Variants in RNMT observed in about 807,000 individuals in gnomAD.
RNMT encodes mRNA cap guanine-N(7) methyltransferase.
A neutral mutation model predicts 56.0 loss-of-function variants in RNMT; 27 were observed. That is an observed-to-expected ratio of 0.48 (90% CI 0.36 to 0.67). The LOEUF is 0.67. Among genes scored for constraint, RNMT ranks in the 30% least tolerant of loss-of-function variants. The pLI is 0.00. For missense variants in RNMT, 519 were observed against 552.1 expected (o/e 0.94, Z 0.60); for synonymous variants, 184 against 176.2 (o/e 1.04, Z -0.35).
intron 4 of RNMT, among the ~76,000 whole-genome samples, chr18:13,735,016 A>G (rs1193305642): frequency 1.3e-5 from 2 of 152,172 alleles, no homozygotes; most frequent in Admixed American, 6.5e-5. Context: ...CCAACATTTT[A>G]TCTATGGAAA....
chr18:13,741,370 T>G (rs2149092036), intron 6 of RNMT, 140 bp from the exon 7 acceptor site: 2 of 561,106 alleles, frequency 3.6e-6, no homozygotes, highest in Middle Eastern at 4.6e-4. Flanking sequence ...ACATGCATGA[T>G]TTCTGTGTGT....
At chr18:13,748,206 G>A (rs2044383462) in intron 9 of RNMT, among the ~76,000 whole-genome samples, 1 of 152,220 alleles carries the variant, frequency 6.6e-6, no homozygotes, top group South Asian at 2.1e-4. Context: ...TGAGGAAGTA[G>A]TGCTAATGGC....
rs1174713355 is a variant in RNMT, at chr18:13,761,104, T to C, written c.*1125T>C. The C allele has an allele frequency of 4.1e-6, 4 of 984,976 alleles. No homozygotes were observed. Among genetic ancestry groups the C allele is most frequent in the South Asian group, 9.4e-5 (2 of 21,290 alleles). The allele number at this position is 984,976 out of a possible 1,614,324, so 61.0% of individuals were successfully genotyped here. ...CATGATTTACAAAAACATTACTTTC[T>C]GTAATTCACAATACTTGTTTTAAAA... On this transcript the variant is annotated 3_prime_UTR_variant, in exon 12 of 12. Transcript: ENST00000383314.
Position 13,762,137 on chromosome 18 carries a change from C to A in RNMT, c.*2158C>A, listed in dbSNP as rs536793089. 12 of 1,535,334 alleles carry A rather than the reference C, an allele frequency of 7.8e-6. No homozygotes were observed. In the East Asian group the frequency reaches 2.4e-4, roughly 31 times the overall value. ...CTCAGTGAAGTGGGGCACTCCCAGA[C>A]CTGCCATGCAGTTTATCCTCTGAGA... On this transcript the variant is annotated 3_prime_UTR_variant, in exon 12 of 12. Coordinates refer to ENST00000383314, the MANE Select transcript of RNMT (RefSeq NM_003799.3).
intron 5 of RNMT, among the ~76,000 whole-genome samples, chr18:13,737,904 T>A (rs1244800118): frequency 6.6e-6 from 1 of 151,670 alleles, no homozygotes; most frequent in Non-Finnish European, 1.5e-5. Flanking sequence ...AATTAGAAAA[T>A]CATAATTTTT....
chr18:13,748,593 T>C (rs376355761), intron 9 of RNMT, among the ~76,000 whole-genome samples: 1 of 152,142 alleles, frequency 6.6e-6, no homozygotes, highest in African/African-American at 2.4e-5. Context: ...TTTATCTGGG[T>C]TCAGCACTAG....
intron 8 of RNMT, 70 bp from the exon 9 acceptor site, chr18:13,746,150 C>A: frequency 1.3e-6 from 1 of 770,144 alleles, no homozygotes; most frequent in Non-Finnish European, 2.2e-6. Flanking sequence ...GATGTCATTG[C>A]TGTACAAAAG....
chr18:13,760,296 A>G lies in RNMT; in HGVS notation c.*317A>G, dbSNP rs773021012. 2 of 1,077,682 alleles carry G rather than the reference A, an allele frequency of 1.9e-6. No individual in the cohort carries two copies. The highest frequency in any genetic ancestry group is 3.5e-5 in the South Asian group (1 of 28,280). The allele number at this position is 1,077,682 out of a possible 1,614,324, so 66.8% of individuals were successfully genotyped here. On this transcript the variant is annotated 3_prime_UTR_variant, in exon 12 of 12. Transcript: ENST00000383314. ...GATAAAGCAACTAAACTCTTTCCAC[A>G]GTGTTCAGATTTGTCCTGTGTGTGT...
intron 8 of RNMT, 25 bp from the exon 9 acceptor site, chr18:13,746,195 T>C (rs2044349184): frequency 3.3e-6 from 4 of 1,216,128 alleles, no homozygotes; most frequent in African/African-American, 1.5e-5. Context: ...GGAAGCTTTT[T>C]CATTAAGTAT....
chr18:13,728,310 T>C (rs1160475251), intron 1 of RNMT, among the ~76,000 whole-genome samples: 2 of 12,056 alleles, frequency 1.7e-4, no homozygotes, highest in Non-Finnish European at 3.4e-4. Flanking sequence ...CTTTTTTTTT[T>C]TTTTTTTTTT....
chr18:13,756,614 T>A (rs1436442860), intron 11 of RNMT, among the ~76,000 whole-genome samples: 1 of 152,154 alleles, frequency 6.6e-6, no homozygotes, highest in Non-Finnish European at 1.5e-5. Context: ...CTGTTTTCTG[T>A]CCTATCGCTG....
At chr18:13,758,087 T>G (rs1484568066) in intron 11 of RNMT, among the ~76,000 whole-genome samples, 6 of 152,208 alleles carry the variant, frequency 3.9e-5, no homozygotes, top group Non-Finnish European at 8.8e-5. Context: ...AAATACTCAG[T>G]AAACCGTGAT....
At chr18:13,747,625 A>G (rs1425655725) in intron 9 of RNMT, among the ~76,000 whole-genome samples, 1 of 152,186 alleles carries the variant, frequency 6.6e-6, no homozygotes, top group African/African-American at 2.4e-5. Flanking sequence ...TGATACTCAA[A>G]CAGAAGTCTC....
At chr18:13,755,680 T>C (rs187906949) in intron 11 of RNMT, among the ~76,000 whole-genome samples, 37 of 152,324 alleles carry the variant, frequency 2.4e-4, no homozygotes, top group Admixed American at 2.2e-3. Context: ...GAGGATGTTA[T>C]ACACATACGA....
chr18:13,753,541 G>A (rs2044487782), intron 10 of RNMT, among the ~76,000 whole-genome samples: 1 of 152,102 alleles, frequency 6.6e-6, no homozygotes, highest in Non-Finnish European at 1.5e-5. Flanking sequence ...GGAGGCTGAG[G>A]CGGGCGGATC....
Position 13,762,059 on chromosome 18 carries a change from A to G in RNMT, c.*2080A>G. ...TTCAGGACTTACGGTAACTATTATGAGGGAGGCATGGCTTTCCACCGTCGG... is the reference window on the plus strand; with the variant it reads ...TTCAGGACTTACGGTAACTATTATGGGGGAGGCATGGCTTTCCACCGTCGG... On this transcript the variant is annotated 3_prime_UTR_variant, in exon 12 of 12. Coordinates refer to ENST00000383314, the MANE Select transcript of RNMT (RefSeq NM_003799.3). The G allele has an allele frequency of 6.5e-7, 1 of 1,535,982 alleles. No individual in the cohort carries two copies. Among genetic ancestry groups the G allele is most frequent in the Non-Finnish European group, 8.7e-7 (1 of 1,146,874 alleles).
intron 4 of RNMT, among the ~76,000 whole-genome samples, chr18:13,736,382 A>G (rs917826079): frequency 3.3e-5 from 5 of 152,084 alleles, no homozygotes; most frequent in African/African-American, 1.2e-4. Flanking sequence ...CGTTTGAACA[A>G]TTTGCCTATT....
intron 7 of RNMT, 107 bp from the exon 8 acceptor site, chr18:13,742,381 A>G (rs2044265582): frequency 1.0e-6 from 1 of 1,004,038 alleles, no homozygotes; most frequent in African/African-American, 1.7e-5. Flanking sequence ...TAAAAGGCTA[A>G]TCAAGTGTGC....
At position 13,731,653 on chromosome 18, in the gene RNMT, A is replaced by G. The variant is rs1404608014; in HGVS notation, c.136A>G (p.Lys46Glu). 3 of 1,614,126 alleles carry G rather than the reference A, an allele frequency of 1.9e-6. No homozygotes were observed. The highest frequency in any genetic ancestry group is 2.2e-5 in the East Asian group (1 of 44,856). Residue 46 changes from lysine (K) to glutamate (E), a missense_variant, in exon 3 of 12, where the codon AAG (lysine) becomes GAG (glutamate). Coordinates refer to ENST00000383314, the MANE Select transcript of RNMT (RefSeq NM_003799.3). ...AGCTTCTGGGACTGGGCTTTCTGAA[A>G]AGACTTCTGTCTGTAGGCAAGTAGA... is the stretch of plus-strand genomic sequence containing the variant. ...TTASGTGLSE[K>E]TSVCRQVDIA...
Sources: gnomAD v4.1 joint callset for allele counts (sites outside exome capture counted in the v4.1 genomes callset) on GRCh38, gnomAD v4.1.1 for gene constraint, MANE v1.5 for transcripts, NCBI Gene and HGNC (gene_info 2026-07-23, HGNC 2026-07-21) for gene names.